HUNK: variants seen among roughly 807,000 people sequenced by gnomAD.
HUNK encodes the protein hormonally up-regulated neu tumor-associated kinase.
Under a neutral mutation model 61.0 loss-of-function variants are expected in HUNK, and 21 were observed. The ratio of observed to expected loss-of-function variants is 0.34; its 90% confidence interval spans 0.24 to 0.50. The LOEUF (loss-of-function observed/expected upper bound fraction) is 0.50. Among genes scored for constraint, HUNK ranks in the 20% least tolerant of loss-of-function variants. HUNK has a pLI of 0.98. For missense variants in HUNK, 772 were observed against 945.7 expected, an observed-to-expected ratio of 0.82 and a Z score of 2.41; for synonymous variants, 371 against 386.1, an observed-to-expected ratio of 0.96 and a Z score of 0.46.
chr21:31,943,066 CT>C (rs1230807888), intron 3 of HUNK, among the ~76,000 whole-genome samples: 1 of 151,932 alleles, frequency 6.6e-6, no homozygotes, highest in Non-Finnish European at 1.5e-5. Flanking sequence ...TTTGAACCTT[CT>C]TTTCTTCAAA....
rs1458128105 is a variant in HUNK, at chr21:31,998,705, C to A, written c.1666C>A (p.Leu556Met). ...CCCCCACAAGGAAGACCCCCTGATG[C>A]TGGACATGGTGCGCTCCTTCGAGTC... ...GIPHKEDPLM[L>M]DMVRSFESVD... The change falls in exon 11 of 11, where the codon CTG becomes ATG. Residue 556 changes from leucine to methionine, a missense_variant. Leu to Met is a conservative substitution (Grantham distance 15). Transcript: ENST00000270112. 1.2e-5 allele frequency: 19 copies of A among 1,614,040 alleles called. No individual in the cohort carries two copies. The highest frequency in any genetic ancestry group is 1.6e-5 in the Non-Finnish European group (19 of 1,180,036).
chr21:31,958,835 CT>C lies in HUNK; in HGVS notation c.747-4del, dbSNP rs751342152. On this transcript the variant is annotated splice_region_variant and splice_polypyrimidine_tract_variant and intron_variant, in intron 4 of 10. Transcript: ENST00000270112. ...ACTCCGCTTTCATGTGTATGTCTCT[CT>C]TTTCAGAGGTGTGAACATGTATGCC... 1 of 1,583,356 alleles carries C rather than the reference CT, an allele frequency of 6.3e-7. No homozygotes were observed. The highest frequency in any genetic ancestry group is 2.3e-5 in the East Asian group (1 of 44,126).
At chr21:31,911,073 C>T (rs538025125) in intron 1 of HUNK, among the ~76,000 whole-genome samples, 156 of 152,296 alleles carry the variant, frequency 1.0e-3, no homozygotes, top group African/African-American at 3.6e-3. Flanking sequence ...GGGGAGGACA[C>T]GACTTAGCCC....
Position 31,946,057 on chromosome 21 carries a change from C to T in HUNK, c.632C>T (p.Ala211Val). Residue 211 changes from alanine to valine, a missense_variant, in exon 4 of 11, where the codon GCA (alanine) becomes GTA (valine). By Grantham distance (64) the Ala-to-Val change is moderately conservative. Around this residue, in one of 2 missense-constraint regions of HUNK, gnomAD observed 359 missense variants for 501.3 expected, o/e 0.72. Transcript: ENST00000270112. Reference protein sequence around the residue: ...KLIDFGLSNCAGILGYSDPFS... With the variant: ...KLIDFGLSNCVGILGYSDPFS... ...GCAGACTTTGGTTTGAGCAACTGCG[C>T]AGGGATCCTGGGTTACTCGGATCCG... The T allele has an allele frequency of 1.2e-6, 2 of 1,605,904 alleles. No individual in the cohort carries two copies. Among genetic ancestry groups the T allele is most frequent in the African/African-American group, 1.3e-5 (1 of 74,898 alleles).
At chr21:31,968,678 T>C (rs1400114357) in intron 6 of HUNK, among the ~76,000 whole-genome samples, 1 of 151,800 alleles carries the variant, frequency 6.6e-6, no homozygotes, top group African/African-American at 2.4e-5. Flanking sequence ...CTTTTTCTAG[T>C]TCACACAGAG....
chr21:31,974,482 G>T (rs2053034280), intron 6 of HUNK, 73 bp from the exon 7 acceptor site: 24 of 1,369,276 alleles, frequency 1.8e-5, no homozygotes, highest in Non-Finnish European at 2.2e-5. Flanking sequence ...GAAGCTGATT[G>T]TGCCCAGGGG....
intron 9 of HUNK, among the ~76,000 whole-genome samples, chr21:31,993,301 A>G (rs1270869912): frequency 6.6e-6 from 1 of 152,096 alleles, no homozygotes; most frequent in Non-Finnish European, 1.5e-5. Context: ...TTGCATCTTG[A>G]TTGTTAAGCT....
At chr21:31,887,715 C>T (rs572976873) in intron 1 of HUNK, among the ~76,000 whole-genome samples, 39 of 152,310 alleles carry the variant, frequency 2.6e-4, no homozygotes, top group Non-Finnish European at 4.7e-4. Flanking sequence ...GACCCGTGAA[C>T]ACAGAGCGTG....
At chr21:31,949,144 G>GGGCTCCCA (rs1224327075) in intron 4 of HUNK, among the ~76,000 whole-genome samples, 1 of 152,240 alleles carries the variant, frequency 6.6e-6, no homozygotes, top group Non-Finnish European at 1.5e-5. Flanking sequence ...GCTGAAGGCT[G>GGGCTCCCA]GGCTCCCAGT....
Position 31,968,658 on chromosome 21 carries a change from CA to C in HUNK, c.1010+274del, listed in dbSNP as rs1447079353. Among the ~76,000 whole-genome samples the C allele has an allele frequency of 4.6e-5, 7 of 151,818 alleles. No homozygotes were observed. The East Asian group carries it at 1.4e-3, about 29-fold the overall frequency. ...CAGGCTTTGAGGGTCTGTATCTTCC[CA>C]GGGGTTGCCTTTTTCTAGTTCACAC... On this transcript the variant is annotated intron_variant, in intron 6 of 10. Coordinates refer to ENST00000270112, the MANE Select transcript of HUNK (RefSeq NM_014586.2).
intron 5 of HUNK, among the ~76,000 whole-genome samples, chr21:31,959,340 C>T (rs996845677): frequency 1.3e-5 from 2 of 152,210 alleles, no homozygotes; most frequent in Non-Finnish European, 2.9e-5. Context: ...GGTTTATGGT[C>T]GCATTTCCAA....
At chr21:31,881,154 T>G (rs1235278813) in intron 1 of HUNK, among the ~76,000 whole-genome samples, 3 of 152,066 alleles carry the variant, frequency 2.0e-5, no homozygotes, top group Non-Finnish European at 4.4e-5. Context: ...AATCTGGGGG[T>G]GCAGCCCAGC....
chr21:32,000,573 T>C lies in HUNK; in HGVS notation c.*1389T>C. 1 of 399,096 alleles carries C rather than the reference T, an allele frequency of 2.5e-6. No homozygotes were observed. The allele number at this position is 399,096 out of a possible 1,614,324, so 24.7% of individuals were successfully genotyped here. A position where few individuals can be genotyped will look rare whatever the true frequency, so the allele number is the denominator to read the frequency against. ...ATAGGGGTTAGTGTAGGAGACCAGT[T>C]ACAGAATGGCCTGGAGTCTTCAACT... is the stretch of plus-strand genomic sequence containing the variant. On this transcript the variant is annotated 3_prime_UTR_variant, in exon 11 of 11. Coordinates refer to ENST00000270112, the MANE Select transcript of HUNK (RefSeq NM_014586.2).
rs2053251255 is a variant in HUNK, at chr21:32,002,267, T to G, written c.*3083T>G. The G allele has an allele frequency of 6.6e-6, 1 of 152,150 alleles. No individual in the cohort carries two copies. The highest frequency in any genetic ancestry group is 2.4e-5 in the African/African-American group (1 of 41,408). 9.4% of individuals were successfully genotyped at this position (152,150 alleles called of 1,614,324 possible). A position where few individuals can be genotyped will look rare whatever the true frequency, so the allele number is the denominator to read the frequency against. On this transcript the variant is annotated 3_prime_UTR_variant, in exon 11 of 11. Transcript: ENST00000270112. ...AATGCCTAGCTAATTTTTTTTGTAT[T>G]TTGTAGAAATGGGGTTTCGCCATGT...
intron 1 of HUNK, among the ~76,000 whole-genome samples, chr21:31,923,269 C>T (rs996059016): frequency 1.3e-5 from 2 of 151,834 alleles, no homozygotes; most frequent in Non-Finnish European, 2.9e-5. Context: ...ATGGGGAGAT[C>T]GGTCTCTACA....
At chr21:31,993,207 CTT>C (rs1157720231) in intron 9 of HUNK, among the ~76,000 whole-genome samples, 1 of 152,166 alleles carries the variant, frequency 6.6e-6, no homozygotes, top group Non-Finnish European at 1.5e-5. Context: ...ACCTTGGTCT[CTT>C]TGCACAGCAA....
At chr21:31,909,207 G>A (rs1464379937) in intron 1 of HUNK, among the ~76,000 whole-genome samples, 2 of 152,194 alleles carry the variant, frequency 1.3e-5, no homozygotes. Flanking sequence ...AATTGCACAA[G>A]CCCCACCGTT....
At chr21:31,921,272 G>A (rs1436421084) in intron 1 of HUNK, among the ~76,000 whole-genome samples, 1 of 150,758 alleles carries the variant, frequency 6.6e-6, no homozygotes, top group Non-Finnish European at 1.5e-5. Flanking sequence ...GTCACTATTA[G>A]TCACTTGCTG....
intron 3 of HUNK, among the ~76,000 whole-genome samples, chr21:31,944,045 C>G (rs993708712): frequency 6.6e-6 from 1 of 152,158 alleles, no homozygotes; most frequent in African/African-American, 2.4e-5. Flanking sequence ...GTCAAACAAC[C>G]CTCCAATTTA....
Sources: allele counts gnomAD v4.1 joint callset (sites outside exome capture counted in the v4.1 genomes callset), GRCh38; gene constraint gnomAD v4.1.1; regional missense constraint gnomAD v4.1.1; transcripts MANE v1.5; gene names NCBI Gene and HGNC (gene_info 2026-07-23, HGNC 2026-07-21).